Variants in LDAH observed in about 807,000 individuals in gnomAD.
The protein encoded by LDAH is lipid droplet associated hydrolase.
LDAH carries 26 observed loss-of-function variants against 29.6 expected under a neutral mutation model. The observed-to-expected ratio is 0.88, with a 90% CI of 0.64 to 1.22. The LOEUF is 1.22. LDAH is among the 50% of genes most tolerant of loss of function. LDAH has a pLI of 0.00. For missense variants in LDAH, 344 were observed against 387.3 expected, an observed-to-expected ratio of 0.89 and a Z score of 0.94; for synonymous variants, 117 against 133.0, an observed-to-expected ratio of 0.88 and a Z score of 0.83.
intron 1 of LDAH, among the ~76,000 whole-genome samples, chr2:20,803,730 C>T (rs756004325): frequency 2.6e-5 from 4 of 152,200 alleles, no homozygotes; most frequent in Non-Finnish European, 5.9e-5. Context: ...GGGCTATAGC[C>T]ACACTTTCAA....
chr2:20,716,720 G>GTATATA lies in LDAH; in HGVS notation c.704-15074_704-15069dup, dbSNP rs1362301507. 3.4e-3 allele frequency among the ~76,000 whole-genome samples: 450 copies of GTATATA among 131,280 alleles called. 26 individuals carry two copies. The highest frequency in any genetic ancestry group is 5.6e-3 in the Non-Finnish European group (331 of 59,234). 86.1% of individuals were successfully genotyped at this position (131,280 alleles called of 152,430 possible). A position where few individuals can be genotyped will look rare whatever the true frequency, so the allele number is the denominator to read the frequency against. ...GTGTAGATGTACCCTAGAACTTTAAGTATATATACATATATATATATATAT... is the reference window on the plus strand; with the variant it reads ...GTGTAGATGTACCCTAGAACTTTAAGTATATATATATATACATATATATATATATAT... On this transcript the variant is annotated intron_variant, in intron 5 of 6. Transcript: ENST00000237822.
intron 4 of LDAH, among the ~76,000 whole-genome samples, chr2:20,763,760 A>G (rs1668841317): frequency 6.6e-6 from 1 of 152,240 alleles, no homozygotes; most frequent in Admixed American, 6.5e-5. Flanking sequence ...ACAATATATC[A>G]TTGGTACACA....
rs774080456 is a variant in LDAH, at chr2:20,686,864, T to C, written c.*39A>G. 3 of 1,555,000 alleles carry C rather than the reference T, an allele frequency of 1.9e-6. No homozygotes were observed. The highest frequency in any genetic ancestry group is 2.6e-6 in the Non-Finnish European group (3 of 1,134,430). On this transcript the variant is annotated 3_prime_UTR_variant, in exon 7 of 7. Coordinates refer to ENST00000237822, the MANE Select transcript of LDAH (RefSeq NM_021925.4). Reference sequence around the variant, plus strand: ...TACTAAGTCTAGTACACTGACTGCCTCCATGTACTGGCAGTGGGGGCTTGT... The same window carrying C: ...TACTAAGTCTAGTACACTGACTGCCCCCATGTACTGGCAGTGGGGGCTTGT...
At chr2:20,801,122 T>C (rs1671633393) in intron 2 of LDAH, among the ~76,000 whole-genome samples, 188 bp downstream of exon 2, 1 of 151,882 alleles carries the variant, frequency 6.6e-6, no homozygotes, top group African/African-American at 2.4e-5. Context: ...GACAACATAA[T>C]GTAAATACAT....
At chr2:20,740,278 A>G (rs771712653) in intron 4 of LDAH, 73 bp from the exon 5 acceptor site, 24 of 989,730 alleles carry the variant, frequency 2.4e-5, no homozygotes, top group Non-Finnish European at 1.6e-5. Context: ...TCTCTTCTAT[A>G]TAGTAATGAC....
At chr2:20,738,165 T>C (rs1666926520) in intron 5 of LDAH, among the ~76,000 whole-genome samples, 2 of 151,406 alleles carry the variant, frequency 1.3e-5, no homozygotes, top group Non-Finnish European at 2.9e-5. Context: ...GGCAGGAGAA[T>C]CACTTGAACC....
chr2:20,790,273 T>A lies in LDAH; in HGVS notation c.280A>T (p.Ile94Phe), dbSNP rs1398644821. Residue 94 changes from isoleucine (I) to phenylalanine (F), a missense_variant, in exon 3 of 7, where the codon ATT becomes TTT. Coordinates refer to ENST00000237822, the MANE Select transcript of LDAH (RefSeq NM_021925.4). ...GACATACCCTCTGATGTTGTAAGAA[T>A]CTTCTTGTCTTTGGGAGCCAACGCA... ...GHALAPKDKKILTTSEDSNAQ... is the reference protein window; with the variant it reads ...GHALAPKDKKFLTTSEDSNAQ... 1 of 1,614,162 alleles carries A rather than the reference T, an allele frequency of 6.2e-7. No homozygotes were observed. Among genetic ancestry groups the A allele is most frequent in the Non-Finnish European group, 8.5e-7 (1 of 1,180,010 alleles).
At chr2:20,741,150 T>C (rs535178565) in intron 4 of LDAH, among the ~76,000 whole-genome samples, 56 of 152,334 alleles carry the variant, frequency 3.7e-4, no homozygotes, top group Admixed American at 9.2e-4. Context: ...TTTTCTGAGT[T>C]CCTTGTATAT....
At chr2:20,694,208 G>A (rs141343238) in intron 6 of LDAH, among the ~76,000 whole-genome samples, 37 of 152,196 alleles carry the variant, frequency 2.4e-4, no homozygotes, top group African/African-American at 8.2e-4. Flanking sequence ...AAGCTTTCCC[G>A]GGCTCGGGAT....
chr2:20,801,579 C>T (rs1206663705), intron 1 of LDAH, 114 bp from the exon 2 acceptor site: 2 of 805,236 alleles, frequency 2.5e-6, no homozygotes, highest in African/African-American at 1.7e-5. Context: ...AAGGAAATGC[C>T]ACAAGGACAT....
chr2:20,805,179 C>G lies in LDAH; in HGVS notation c.-2-3714G>C, dbSNP rs544922804. On this transcript the variant is annotated intron_variant, in intron 1 of 6. Transcript: ENST00000237822. ...GACATTGTGGGAGCTTGATTAGCCA[C>G]AAAATTAGTGAGAATTCAACTAGAT... 3.3e-5 allele frequency among the ~76,000 whole-genome samples: 5 copies of G among 152,104 alleles called. No homozygotes were observed. The South Asian group carries it at 1.0e-3, about 32-fold the overall frequency.
chr2:20,701,666 A>G lies in LDAH; in HGVS notation c.704-14T>C. The stretch of plus-strand genomic sequence containing the variant: ...AGGCAGCATTAGCTACATTTAAAAA[A>G]TAAAAAGTCAAACATTTAGAATATA... On this transcript the variant is annotated splice_polypyrimidine_tract_variant and intron_variant, in intron 5 of 6. Transcript: ENST00000237822. The G allele has an allele frequency of 6.2e-7, 1 of 1,602,762 alleles. No individual in the cohort carries two copies. The highest frequency in any genetic ancestry group is 8.5e-7 in the Non-Finnish European group (1 of 1,170,198).
chr2:20,759,545 A>G (rs1302212469), intron 4 of LDAH, among the ~76,000 whole-genome samples: 1 of 152,182 alleles, frequency 6.6e-6, no homozygotes, highest in Non-Finnish European at 1.5e-5. Context: ...AAGTGAGCGT[A>G]AAACAACCTC....
At chr2:20,730,565 G>C (rs558422491) in intron 5 of LDAH, among the ~76,000 whole-genome samples, 4 of 152,236 alleles carry the variant, frequency 2.6e-5, no homozygotes, top group African/African-American at 9.6e-5. Flanking sequence ...CCTAGTCCTA[G>C]ATCCTGATCC....
chr2:20,704,085 C>T (rs1042898663), intron 5 of LDAH, among the ~76,000 whole-genome samples: 3 of 152,170 alleles, frequency 2.0e-5, no homozygotes, highest in African/African-American at 7.2e-5. Context: ...CAGAGAAGAA[C>T]TTGAATGAAA....
intron 2 of LDAH, among the ~76,000 whole-genome samples, chr2:20,794,432 T>C (rs577251049): frequency 6.6e-6 from 1 of 151,866 alleles, no homozygotes; most frequent in South Asian, 2.1e-4. Flanking sequence ...CATAAAGACA[T>C]TGCAAAAAGA....
intron 5 of LDAH, among the ~76,000 whole-genome samples, chr2:20,709,404 T>G (rs1321153247): frequency 6.6e-6 from 1 of 152,136 alleles, no homozygotes; most frequent in African/African-American, 2.4e-5. Context: ...AATAAGCATG[T>G]GAAAAGATGT....
chr2:20,688,828 C>CTT (rs57543886), intron 6 of LDAH, among the ~76,000 whole-genome samples: 14 of 111,994 alleles, frequency 1.3e-4, no homozygotes, highest in South Asian at 6.3e-4. Context: ...TGGAGGTTTC[C>CTT]TTTTTTTTTT....
intron 6 of LDAH, among the ~76,000 whole-genome samples, chr2:20,697,090 T>C (rs780412497): frequency 1.3e-5 from 2 of 151,630 alleles, no homozygotes; most frequent in African/African-American, 2.4e-5. Flanking sequence ...TTTACACCCA[T>C]ACATCCAGGG....
Sources: gnomAD v4.1 joint callset for allele counts (sites outside exome capture counted in the v4.1 genomes callset) on GRCh38, gnomAD v4.1.1 for gene constraint, MANE v1.5 for transcripts, NCBI Gene and HGNC (gene_info 2026-07-23, HGNC 2026-07-21) for gene names.